The following CCSER1 variants were observed in gnomAD, a reference collection of about 807,000 sequenced individuals.
CCSER1 encodes coiled-coil serine rich protein 1, also known as serine-rich coiled-coil domain-containing protein 1.
A neutral mutation model predicts 82.0 loss-of-function variants in CCSER1; 41 were observed. The observed-to-expected ratio is 0.50, with a 90% CI of 0.39 to 0.65. The LOEUF is 0.65. Among genes scored for constraint, CCSER1 ranks in the 30% least tolerant of loss-of-function variants. The pLI is 0.00. For missense variants in CCSER1, 1,119 were observed against 1,064.2 expected, an observed-to-expected ratio of 1.05 and a Z score of -0.72; for synonymous variants, 414 against 383.9, an observed-to-expected ratio of 1.08 and a Z score of -0.92.
At chr4:91,107,415 T>C (rs138254102) in intron 10 of CCSER1, among the ~76,000 whole-genome samples, 3,017 of 152,152 alleles carry the variant, frequency 0.02, 66 homozygotes, top group African/African-American at 0.058. Context: ...CTACCACGCC[T>C]GGCTAATTTT....
At chr4:91,228,543 A>T (rs1397203890) in intron 10 of CCSER1, among the ~76,000 whole-genome samples, 1 of 152,054 alleles carries the variant, frequency 6.6e-6, no homozygotes, top group African/African-American at 2.4e-5. Flanking sequence ...TTAGTGTTAT[A>T]TTTCCAGCAT....
intron 5 of CCSER1, among the ~76,000 whole-genome samples, chr4:90,474,553 C>A (rs1390658291): frequency 1.3e-5 from 2 of 152,144 alleles, no homozygotes; most frequent in East Asian, 3.9e-4. Flanking sequence ...GCTCTAGATT[C>A]AGTGATTTCA....
chr4:91,272,953 T>C (rs1408274909), intron 10 of CCSER1, among the ~76,000 whole-genome samples: 2 of 152,200 alleles, frequency 1.3e-5, no homozygotes, highest in East Asian at 3.9e-4. Context: ...CTTCCATCTG[T>C]GTGCCTATTT....
At chr4:90,340,618 A>G (rs927620689) in intron 3 of CCSER1, among the ~76,000 whole-genome samples, 1 of 152,156 alleles carries the variant, frequency 6.6e-6, no homozygotes, top group Admixed American at 6.5e-5. Flanking sequence ...CATAATTTGT[A>G]ATTTTAGACT....
At chr4:90,670,582 A>G (rs984632640) in intron 6 of CCSER1, among the ~76,000 whole-genome samples, 3 of 152,076 alleles carry the variant, frequency 2.0e-5, no homozygotes, top group Non-Finnish European at 4.4e-5. Context: ...GAAATTCTCC[A>G]AAGAAGGGGG....
chr4:90,324,851 G>A (rs1383627752), intron 3 of CCSER1, among the ~76,000 whole-genome samples: 3 of 152,092 alleles, frequency 2.0e-5, no homozygotes, highest in Non-Finnish European at 2.9e-5. Context: ...TTTTGTATAA[G>A]GTGTAAGGAA....
At chr4:91,497,130 T>C (rs1410016964) in intron 10 of CCSER1, among the ~76,000 whole-genome samples, 1 of 151,358 alleles carries the variant, frequency 6.6e-6, no homozygotes, top group Non-Finnish European at 1.5e-5. Flanking sequence ...AATCCCAGAT[T>C]TCCATTTACT....
intron 9 of CCSER1, among the ~76,000 whole-genome samples, chr4:90,956,500 A>G (rs1733448555): frequency 6.6e-6 from 1 of 152,156 alleles, no homozygotes; most frequent in Admixed American, 6.5e-5. Context: ...GGCATCTAAA[A>G]TGATTCCTTT....
In CCSER1 at chr4:90,468,260, G is replaced by C; in HGVS notation, c.1630G>C (p.Val544Leu). The C allele has an allele frequency of 4.4e-6, 7 of 1,607,110 alleles. No individual in the cohort carries two copies. The highest frequency in any genetic ancestry group is 6.0e-6 in the Non-Finnish European group (7 of 1,175,790). ...SVCREDSYHS[V>L]VSCAAVVLTP... ...TTGCCGGGAGGACTCATATCACTCT[G>C]TCGTCTCATGTGCCGCAGTAGTTCT... The change falls in exon 5 of 11, where the codon GTC becomes CTC. Residue 544 changes from valine to leucine, a missense_variant. Val to Leu is a conservative substitution (Grantham distance 32). Transcript: ENST00000509176.
intron 10 of CCSER1, among the ~76,000 whole-genome samples, chr4:91,131,719 G>A (rs975539658): frequency 2.0e-5 from 3 of 152,010 alleles, no homozygotes; most frequent in Admixed American, 2.0e-4. Context: ...AACAGATAAA[G>A]CAAACAGTAT....
chr4:90,923,279 T>C, intron 8 of CCSER1, 91 bp from the exon 9 acceptor site: 6 of 874,478 alleles, frequency 6.9e-6, no homozygotes, highest in East Asian at 2.6e-5. Context: ...ACATGAATTA[T>C]ACACTAATCA....
intron 7 of CCSER1, among the ~76,000 whole-genome samples, chr4:90,729,774 G>A (rs1744365076): frequency 6.6e-6 from 1 of 152,142 alleles, no homozygotes; most frequent in Admixed American, 6.5e-5. Flanking sequence ...TACTGGGGAG[G>A]CTGAGGCAGG....
rs562990890 is a variant in CCSER1, at chr4:90,709,819, C to A, written c.1933-14095C>A. Among the ~76,000 whole-genome samples the A allele has an allele frequency of 3.9e-5, 6 of 152,116 alleles. No homozygotes were observed. In the South Asian group the frequency reaches 8.3e-4, roughly 21 times the overall value. ...ATACCCAGTAATGGGATTGCTGGTT[C>A]AAATTATATTTCTGCCTCTAGGTCT... On this transcript the variant is annotated intron_variant, in intron 6 of 10. Coordinates refer to ENST00000509176, the MANE Select transcript of CCSER1 (RefSeq NM_001145065.2).
chr4:90,232,034 A>C (rs1744679785), intron 1 of CCSER1, among the ~76,000 whole-genome samples: 1 of 152,306 alleles, frequency 6.6e-6, no homozygotes, highest in South Asian at 2.1e-4. Context: ...TATCTTGAAA[A>C]TGGCCATTCT....
intron 9 of CCSER1, among the ~76,000 whole-genome samples, chr4:91,023,715 AC>A (rs2150534227): frequency 6.6e-6 from 1 of 152,246 alleles, no homozygotes; most frequent in East Asian, 1.9e-4. Flanking sequence ...CTAGAAGAAA[AC>A]CTAGGCAATA....
At position 90,353,226 on chromosome 4, in the gene CCSER1, C is replaced by T. The variant is rs1314960560; in HGVS notation, c.1509+40179C>T. ...GCATTGAGATGTATCTGGAAAGAACCTGGGATTTGAAGTAGCATACATATA... is the reference window on the plus strand; with the variant it reads ...GCATTGAGATGTATCTGGAAAGAACTTGGGATTTGAAGTAGCATACATATA... On this transcript the variant is annotated intron_variant, in intron 3 of 10. Transcript: ENST00000509176. 3.3e-5 allele frequency among the ~76,000 whole-genome samples: 5 copies of T among 151,620 alleles called. No homozygotes were observed. In the East Asian group the frequency reaches 9.7e-4, roughly 29 times the overall value.
In CCSER1 at chr4:91,599,212, T is replaced by C; in HGVS notation, c.*155T>C. 1.0e-6 allele frequency: 1 copy of C among 977,746 alleles called. No individual in the cohort carries two copies. The highest frequency in any genetic ancestry group is 1.4e-6 in the Non-Finnish European group (1 of 696,404). 60.6% of individuals were successfully genotyped at this position (977,746 alleles called of 1,614,324 possible). ...TTTTTCTTAGTCATAAACAAAGACTTGTGGGTTTTTTTTTTCCAAGAGTGA... is the reference window on the plus strand; with the variant it reads ...TTTTTCTTAGTCATAAACAAAGACTCGTGGGTTTTTTTTTTCCAAGAGTGA... On this transcript the variant is annotated 3_prime_UTR_variant, in exon 11 of 11. Coordinates refer to ENST00000509176, the MANE Select transcript of CCSER1 (RefSeq NM_001145065.2).
intron 9 of CCSER1, among the ~76,000 whole-genome samples, chr4:90,948,616 C>A (rs1732543118): frequency 6.6e-6 from 1 of 151,846 alleles, no homozygotes; most frequent in South Asian, 2.1e-4. Flanking sequence ...CACTGTTTGG[C>A]AATAATTTTC....
chr4:91,184,602 A>G (rs1734350469), intron 10 of CCSER1, among the ~76,000 whole-genome samples: 1 of 152,204 alleles, frequency 6.6e-6, no homozygotes, highest in Admixed American at 6.5e-5. Context: ...ATTTCTCTAA[A>G]GCCTCCAGTT....
Sources: allele counts gnomAD v4.1 joint callset (sites outside exome capture counted in the v4.1 genomes callset), GRCh38; gene constraint gnomAD v4.1.1; transcripts MANE v1.5; gene names NCBI Gene and HGNC (gene_info 2026-07-23, HGNC 2026-07-21).